Variants in CSTF3 observed in about 807,000 individuals in gnomAD.
CSTF3 encodes CF-1 77 kDa subunit.
A neutral mutation model predicts 105.8 loss-of-function variants in CSTF3; 29 were observed. That is an observed-to-expected ratio of 0.27 (90% CI 0.20 to 0.37). CSTF3 has a LOEUF of 0.37. CSTF3 is among the 10% of genes least tolerant of loss of function. CSTF3 has a pLI of 1.00. For synonymous variants in CSTF3, 252 were observed against 281.9 expected (o/e 0.89, Z 1.06); for missense variants, 357 against 879.3 (o/e 0.41, Z 7.51).
In CSTF3 at chr11:33,085,943, A is replaced by C. The variant is rs866638256; in HGVS notation, c.1842T>G (p.Pro614=). ...PVPGGVFPVP[P]AAVVLMKLLP... ...GAAGTTTCATTAAAACAACAGCTGC[A>C]GGAGGGACTGGGAACACTCCACCAG... Residue 614 remains proline, a synonymous_variant, in exon 19 of 21, where the codon CCT becomes CCG. Coordinates refer to ENST00000323959, the MANE Select transcript of CSTF3 (RefSeq NM_001326.3). 1 of 1,544,818 alleles carries C rather than the reference A, an allele frequency of 6.5e-7. No individual in the cohort carries two copies. Among genetic ancestry groups the C allele is most frequent in the Non-Finnish European group, 8.7e-7 (1 of 1,149,900 alleles).
intron 1 of CSTF3, among the ~76,000 whole-genome samples, chr11:33,156,316 T>A (rs1267395340): frequency 6.6e-6 from 1 of 152,194 alleles, no homozygotes; most frequent in Non-Finnish European, 1.5e-5. Context: ...CTGCCTCTTC[T>A]AACCCCTACA....
chr11:33,141,995 A>G lies in CSTF3; in HGVS notation c.28-9T>C. The G allele has an allele frequency of 6.2e-7, 1 of 1,613,682 alleles. No homozygotes were observed. Among genetic ancestry groups the G allele is most frequent in the African/African-American group, 1.3e-5 (1 of 75,038 alleles). On this transcript the variant is annotated splice_polypyrimidine_tract_variant and intron_variant, in intron 1 of 20. Coordinates refer to ENST00000323959, the MANE Select transcript of CSTF3 (RefSeq NM_001326.3). Reference sequence around the variant, plus strand: ...GGGACATACTCAGCTGCCTGGGGAAAAAAAACAACAGTGAACTAAAGTTAC... The same window carrying G: ...GGGACATACTCAGCTGCCTGGGGAAGAAAAACAACAGTGAACTAAAGTTAC...
chr11:33,148,694 C>CAAA (rs368373668), intron 1 of CSTF3, among the ~76,000 whole-genome samples: 3 of 137,600 alleles, frequency 2.2e-5, no homozygotes, highest in Non-Finnish European at 1.6e-5. Context: ...GACTCCATCT[C>CAAA]AAAAAAAAAA....
chr11:33,108,412 CT>C lies in CSTF3; in HGVS notation c.231del (p.Ala78LeufsTer16). ...FWKLYIEAEI[K>X]AKNYDKVEKL... ...TTTTCAACCTTGTCATAATTTTTAGCTTTAATCTGAAGAGAAACAGAAAAAT... is the reference window on the plus strand; with the variant it reads ...TTTTCAACCTTGTCATAATTTTTAGCTTAATCTGAAGAGAAACAGAAAAAT... On this transcript the variant is annotated frameshift_variant, in exon 4 of 21. Coordinates refer to ENST00000323959, the MANE Select transcript of CSTF3 (RefSeq NM_001326.3). LOFTEE classifies it high-confidence loss of function. 6.8e-7 allele frequency: 1 copy of C among 1,478,680 alleles called. No homozygotes were observed. 91.6% of individuals were successfully genotyped at this position (1,478,680 alleles called of 1,614,324 possible). A position where few individuals can be genotyped will look rare whatever the true frequency, so the allele number is the denominator to read the frequency against.
chr11:33,127,242 CTAAT>C (rs762928405), intron 3 of CSTF3, among the ~76,000 whole-genome samples: 4 of 152,090 alleles, frequency 2.6e-5, no homozygotes, highest in Non-Finnish European at 5.9e-5. Context: ...TAATTTTCTA[CTAAT>C]TATTAAATCA....
chr11:33,091,332 T>C (rs1855166888), intron 16 of CSTF3, among the ~76,000 whole-genome samples: 2 of 152,256 alleles, frequency 1.3e-5, no homozygotes, highest in Admixed American at 1.3e-4. Flanking sequence ...TTAAATGTCA[T>C]TATGCACCTT....
rs988931195 is a variant in CSTF3, at chr11:33,141,757, T to A, written c.135A>T (p.Gln45His). 1 of 1,586,070 alleles carries A rather than the reference T, an allele frequency of 6.3e-7. No individual in the cohort carries two copies. Among genetic ancestry groups the A allele is most frequent in the Non-Finnish European group, 8.5e-7 (1 of 1,173,012 alleles). Residue 45 changes from glutamine (Q) to histidine (H), a missense_variant, in exon 3 of 21, where the codon CAA becomes CAT. Physicochemically the swap from Gln to His is conservative, Grantham distance 24. This residue lies in a region of CSTF3 where 78 missense variants were observed against 180.4 expected (regional missense o/e 0.43). Coordinates refer to ENST00000323959, the MANE Select transcript of CSTF3 (RefSeq NM_001326.3). ...WSILIREAQN[Q>H]PIDKARKTYE... ...AAGTCTTCCGTGCTTTGTCTATAGG[T>A]TGATTCTAAAATTGAAAACCAATAA...
At chr11:33,122,493 T>C (rs1196020996) in intron 3 of CSTF3, among the ~76,000 whole-genome samples, 1 of 152,162 alleles carries the variant, frequency 6.6e-6, no homozygotes, top group Non-Finnish European at 1.5e-5. Flanking sequence ...TCATGTCTAA[T>C]GTTGAGATGC....
At chr11:33,152,099 C>CA (rs1166079623) in intron 1 of CSTF3, among the ~76,000 whole-genome samples, 11 of 152,044 alleles carry the variant, frequency 7.2e-5, no homozygotes, top group Middle Eastern at 3.4e-3. Flanking sequence ...ACTAAAAATA[C>CA]AAAAAATTAG....
chr11:33,155,132 G>A (rs1282428626), intron 1 of CSTF3, among the ~76,000 whole-genome samples: 4 of 152,026 alleles, frequency 2.6e-5, no homozygotes, highest in Non-Finnish European at 4.4e-5. Flanking sequence ...CAAGGCGGGC[G>A]GATCATGAGG....
chr11:33,112,443 T>C (rs913919781), intron 3 of CSTF3, among the ~76,000 whole-genome samples: 2 of 152,170 alleles, frequency 1.3e-5, no homozygotes, highest in Admixed American at 1.3e-4. Flanking sequence ...ATAAAGCATC[T>C]AGATGTTCCA....
intron 1 of CSTF3, chr11:33,144,949 C>A: frequency 5.6e-6 from 1 of 177,548 alleles, no homozygotes; most frequent in Non-Finnish European, 1.2e-5. Context: ...TGCACTCGGG[C>A]CTGGGTGACA....
chr11:33,134,997 C>A (rs968653965), intron 3 of CSTF3, among the ~76,000 whole-genome samples: 1 of 152,148 alleles, frequency 6.6e-6, no homozygotes, highest in Non-Finnish European at 1.5e-5. Context: ...AAACTCTACA[C>A]AGGGTACAAG....
intron 3 of CSTF3, among the ~76,000 whole-genome samples, chr11:33,123,693 A>T (rs969973590): frequency 2.3e-5 from 3 of 129,022 alleles, no homozygotes; most frequent in East Asian, 2.0e-4. Flanking sequence ...CTTTCTTAAT[A>T]AAAAAAAGGT....
intron 1 of CSTF3, among the ~76,000 whole-genome samples, chr11:33,149,023 T>C (rs1366109026): frequency 1.3e-5 from 2 of 152,102 alleles, no homozygotes; most frequent in African/African-American, 2.4e-5. Context: ...ATATACTTAA[T>C]ACATCAAATA....
Position 33,085,200 on chromosome 11 carries a change from T to C in CSTF3, c.2041A>G (p.Thr681Ala). ...TCGTTGGGCCTTTTGACGGCCTTGG[T>C]GAGTACTGCATTACTTTCCACGGGG... is the stretch of plus-strand genomic sequence containing the variant. ...NGPVESNAVL[T>A]KAVKRPNEDS... Residue 681 changes from threonine (T) to alanine (A), a missense_variant, in exon 21 of 21, where the codon ACC becomes GCC. Thr to Ala is a moderately conservative substitution (Grantham distance 58). Around this residue, in one of 4 missense-constraint regions of CSTF3, gnomAD observed 73 missense variants for 105.8 expected, o/e 0.69. Coordinates refer to ENST00000323959, the MANE Select transcript of CSTF3 (RefSeq NM_001326.3). 1 of 1,614,092 alleles carries C rather than the reference T, an allele frequency of 6.2e-7. No homozygotes were observed. The highest frequency in any genetic ancestry group is 8.5e-7 in the Non-Finnish European group (1 of 1,179,992).
intron 4 of CSTF3, 104 bp downstream of exon 4, chr11:33,108,282 A>G: frequency 4.7e-6 from 5 of 1,072,194 alleles, no homozygotes; most frequent in Non-Finnish European, 6.3e-6. Flanking sequence ...GTAAAAAATC[A>G]CTATCTAGAT....
chr11:33,141,383 G>A, intron 3 of CSTF3: 1 of 1,058,670 alleles, frequency 9.4e-7, no homozygotes, highest in African/African-American at 1.6e-5. Context: ...GACACAGGAG[G>A]CAATAAATTG....
intron 3 of CSTF3, among the ~76,000 whole-genome samples, chr11:33,117,142 C>T (rs936164802): frequency 6.6e-6 from 1 of 151,682 alleles, no homozygotes; most frequent in South Asian, 2.1e-4. Context: ...GTATACAATA[C>T]CTAAGGCATT....
Sources: gnomAD v4.1 joint callset for allele counts (sites outside exome capture counted in the v4.1 genomes callset) on GRCh38, gnomAD v4.1.1 for gene constraint, gnomAD v4.1.1 regional missense constraint, MANE v1.5 for transcripts, NCBI Gene and HGNC (gene_info 2026-07-23, HGNC 2026-07-21) for gene names.